BPTF: variants seen among roughly 807,000 people sequenced by gnomAD.
BPTF encodes nucleosome-remodeling factor subunit BPTF.
Under a neutral mutation model 292.5 loss-of-function variants are expected in BPTF, and 18 were observed. The observed-to-expected ratio is 0.06, with a 90% CI of 0.04 to 0.09. BPTF has a LOEUF of 0.09. Among genes scored for constraint, BPTF ranks in the 10% least tolerant of loss-of-function variants. The pLI is 1.00. For synonymous variants in BPTF, 1,225 were observed against 1,251.9 expected (o/e 0.98, Z 0.45); for missense variants, 2,726 against 3,498.7 (o/e 0.78, Z 5.57).
At chr17:67,961,800 C>A (rs1429946104) in intron 24 of BPTF, among the ~76,000 whole-genome samples, 3 of 152,046 alleles carry the variant, frequency 2.0e-5, no homozygotes, top group African/African-American at 4.8e-5. Context: ...ATGGCAAAAC[C>A]CTGTCTCTAC....
intron 1 of BPTF, among the ~76,000 whole-genome samples, chr17:67,852,302 C>T (rs926413984): frequency 1.3e-5 from 2 of 151,510 alleles, no homozygotes; most frequent in South Asian, 2.1e-4. Flanking sequence ...AATTTTATAA[C>T]GAAAATACAT....
intron 16 of BPTF, 34 bp downstream of exon 16, chr17:67,928,635 G>A (rs1300711451): frequency 3.9e-6 from 6 of 1,540,702 alleles, no homozygotes; most frequent in Non-Finnish European, 3.5e-6. Flanking sequence ...AGATTACTTT[G>A]GTTCAGGAAA....
intron 7 of BPTF, among the ~76,000 whole-genome samples, chr17:67,895,590 G>A (rs2061388546): frequency 6.6e-6 from 1 of 151,448 alleles, no homozygotes; most frequent in African/African-American, 2.4e-5. Flanking sequence ...AGCCTCCTGA[G>A]TAGTTGGGAC....
At chr17:67,932,055 A>C (rs2064438950) in intron 18 of BPTF, 36 bp downstream of exon 18, 6,031 of 1,471,014 alleles carry the variant, frequency 4.1e-3, no homozygotes, top group Non-Finnish European at 5.2e-3. Flanking sequence ...TTTACATCTC[A>C]ACAGCCAGTC....
At chr17:67,835,175 C>T (rs1185930827) in intron 1 of BPTF, among the ~76,000 whole-genome samples, 1 of 152,022 alleles carries the variant, frequency 6.6e-6, no homozygotes, top group African/African-American at 2.4e-5. Context: ...CATGCCACCA[C>T]ACTCCAGCCT....
intron 3 of BPTF, among the ~76,000 whole-genome samples, chr17:67,872,106 G>T (rs775207545): frequency 3.9e-5 from 6 of 152,190 alleles, no homozygotes; most frequent in Non-Finnish European, 7.3e-5. Flanking sequence ...GATTACAGGC[G>T]TGAGCCACTG....
intron 7 of BPTF, among the ~76,000 whole-genome samples, chr17:67,899,734 TTGGCCAGGC>T (rs2061696413): frequency 6.6e-6 from 1 of 152,048 alleles, no homozygotes; most frequent in Non-Finnish European, 1.5e-5. Context: ...TTTCACTGTG[TTGGCCAGGC>T]TGGTCTCCGA....
chr17:67,911,774 C>G lies in BPTF; in HGVS notation c.3890C>G (p.Ser1297Cys), dbSNP rs750217353. 15 of 1,614,158 alleles carry G rather than the reference C, an allele frequency of 9.3e-6. No homozygotes were observed. Among genetic ancestry groups the G allele is most frequent in the Non-Finnish European group, 1.3e-5 (15 of 1,180,030 alleles). ...TTGGAAAATAGTTCTGATACCGTGT[C>G]TATTCAGGATAGCAGTGAAGAAGAT... ...STLENSSDTV[S>C]IQDSSEEDMI... The change falls in exon 11 of 28, where the codon TCT becomes TGT. Residue 1297 changes from serine (S) to cysteine (C), a missense_variant. Ser to Cys is a moderately radical substitution (Grantham distance 112). Transcript: ENST00000306378.
At chr17:67,905,849 A>G (rs1438314817) in intron 9 of BPTF, among the ~76,000 whole-genome samples, 23 of 151,980 alleles carry the variant, frequency 1.5e-4, no homozygotes, top group Admixed American at 5.9e-4. Context: ...GAGGTTTTTC[A>G]GTGAGAACAT....
intron 13 of BPTF, among the ~76,000 whole-genome samples, chr17:67,921,209 CAAAA>C (rs60707445): frequency 2.0e-5 from 1 of 49,228 alleles, no homozygotes; most frequent in Non-Finnish European, 5.1e-5. Flanking sequence ...GAATCCGTGT[CAAAA>C]AAAAAAAAAA....
chr17:67,921,357 T>C (rs749026452), intron 13 of BPTF, among the ~76,000 whole-genome samples: 1 of 151,086 alleles, frequency 6.6e-6, no homozygotes, highest in Non-Finnish European at 1.5e-5. Context: ...AAACCCCATC[T>C]CTACTAAAAA....
chr17:67,971,924 T>G (rs1555691219), intron 26 of BPTF, among the ~76,000 whole-genome samples: 2 of 152,130 alleles, frequency 1.3e-5, no homozygotes, highest in Non-Finnish European at 2.9e-5. Flanking sequence ...GTCTGCGCTA[T>G]TGGAAAACAC....
At chr17:67,947,921 C>A in intron 22 of BPTF, 113 bp downstream of exon 22, 1 of 1,238,070 alleles carries the variant, frequency 8.1e-7, no homozygotes, top group African/African-American at 1.5e-5. Flanking sequence ...TAAATGAGAA[C>A]ACTTGGCACT....
intron 23 of BPTF, among the ~76,000 whole-genome samples, chr17:67,950,165 G>A (rs1053539477): frequency 2.0e-5 from 3 of 150,912 alleles, no homozygotes; most frequent in African/African-American, 7.3e-5. Flanking sequence ...TGGAGAGGCC[G>A]AGGCGGGCAG....
intron 23 of BPTF, among the ~76,000 whole-genome samples, chr17:67,952,812 G>GT (rs2042606701): frequency 6.6e-6 from 1 of 152,108 alleles, no homozygotes; most frequent in South Asian, 2.1e-4. Flanking sequence ...ATTCATAATA[G>GT]TTACACTGCC....
intron 24 of BPTF, among the ~76,000 whole-genome samples, chr17:67,962,829 T>G (rs1195413271): frequency 1.3e-5 from 2 of 152,242 alleles, no homozygotes; most frequent in Admixed American, 6.5e-5. Flanking sequence ...GACCTGCATG[T>G]TCCTTGTAGT....
At chr17:67,904,060 G>A (rs556059563) in intron 8 of BPTF, 142 bp downstream of exon 8, 12 of 812,078 alleles carry the variant, frequency 1.5e-5, no homozygotes, top group South Asian at 6.7e-5. Context: ...ACAGAGTCTC[G>A]CTCTGTTGCC....
intron 1 of BPTF, among the ~76,000 whole-genome samples, chr17:67,831,789 T>A (rs2056704976): frequency 6.6e-6 from 1 of 152,166 alleles, no homozygotes; most frequent in Admixed American, 6.5e-5. Context: ...TGGGAGATCT[T>A]CCCTGAGTCC....
In BPTF at chr17:67,948,413, A is replaced by C. The variant is rs1370347292; in HGVS notation, c.7926+107A>C. On this transcript the variant is annotated intron_variant, in intron 23 of 27. Transcript: ENST00000306378. ...CTTAAAATTTCAGTATGTTTTCTAG[A>C]ACTTACATTTGTGTACATAGAGTAA... The C allele has an allele frequency of 1.0e-5, 11 of 1,061,788 alleles. No homozygotes were observed. In the Admixed American group the frequency reaches 2.0e-4, roughly 19 times the overall value. The allele number at this position is 1,061,788 out of a possible 1,614,324, so 65.8% of individuals were successfully genotyped here.
Sources: gnomAD v4.1 joint callset for allele counts (sites outside exome capture counted in the v4.1 genomes callset) on GRCh38, gnomAD v4.1.1 for gene constraint, MANE v1.5 for transcripts, NCBI Gene and HGNC (gene_info 2026-07-23, HGNC 2026-07-21) for gene names.